SMCO4: variants seen among roughly 807,000 people sequenced by gnomAD.
SMCO4 encodes single-pass membrane protein with coiled-coil domains 4, also known as single-pass membrane and coiled-coil domain-containing protein 4.
In SMCO4, 4 loss-of-function variants were observed where a neutral mutation model predicts 3.6. The ratio of observed to expected loss-of-function variants is 1.11; its 90% CI spans 0.54 to 2.53. The LOEUF (loss-of-function observed/expected upper bound fraction) is 2.53, where lower values mean the gene tolerates loss of function less well. Among genes scored for constraint, SMCO4 ranks in the 30% most tolerant of loss-of-function variants. The pLI is 0.02. For synonymous variants in SMCO4, 36 were observed against 35.3 expected (o/e 1.02, Z -0.07); for missense variants, 70 against 80.8 (o/e 0.87, Z 0.51).
chr11:93,546,339 A>G (rs1407616547), upstream of SMCO4, among the ~76,000 whole-genome samples: 2 of 152,224 alleles, frequency 1.3e-5, no homozygotes, highest in Non-Finnish European at 2.9e-5. Context: ...TTGGCAGTCA[A>G]CATAACAATG....
chr11:93,508,489 G>T (rs914782102), intron 1 of SMCO4, among the ~76,000 whole-genome samples: 6 of 152,086 alleles, frequency 3.9e-5, no homozygotes, highest in Non-Finnish European at 5.9e-5. Flanking sequence ...AGCAGGAAGA[G>T]AAGAATATTA....
chr11:93,497,642 C>A (rs1948789955), intron 2 of SMCO4, among the ~76,000 whole-genome samples: 1 of 151,454 alleles, frequency 6.6e-6, no homozygotes, highest in Non-Finnish European at 1.5e-5. Context: ...AGGGGGGTAC[C>A]AAGATCAGAT....
At chr11:93,509,337 A>C (rs1267472106) in intron 1 of SMCO4, among the ~76,000 whole-genome samples, 2 of 151,924 alleles carry the variant, frequency 1.3e-5, no homozygotes, top group Non-Finnish European at 2.9e-5. Flanking sequence ...GCTTACAAAC[A>C]GCCATCATTT....
intron 1 of SMCO4, among the ~76,000 whole-genome samples, chr11:93,538,193 G>A (rs1391750134): frequency 1.3e-5 from 2 of 152,216 alleles, no homozygotes; most frequent in Admixed American, 6.5e-5. Flanking sequence ...CCCTGAGCAT[G>A]GCTTGGCGCC....
chr11:93,527,847 G>T (rs1219521351), intron 1 of SMCO4, among the ~76,000 whole-genome samples: 1 of 151,978 alleles, frequency 6.6e-6, no homozygotes, highest in Non-Finnish European at 1.5e-5. Flanking sequence ...GATGGGTTTT[G>T]CTATGTAGCC....
At chr11:93,495,856 A>G (rs1218929632) in intron 2 of SMCO4, among the ~76,000 whole-genome samples, 1 of 152,204 alleles carries the variant, frequency 6.6e-6, no homozygotes, top group Non-Finnish European at 1.5e-5. Context: ...CACAATATTC[A>G]TTCTAAGTAC....
chr11:93,512,024 A>G (rs118149826), intron 1 of SMCO4, among the ~76,000 whole-genome samples: 1,745 of 152,296 alleles, frequency 0.011, 15 homozygotes, highest in Non-Finnish European at 0.016. Context: ...AGTGTTTAGT[A>G]TTAGAAGTGT....
upstream of SMCO4, among the ~76,000 whole-genome samples, chr11:93,543,673 T>G (rs1242946846): frequency 2.6e-5 from 4 of 152,230 alleles, no homozygotes; most frequent in Non-Finnish European, 5.9e-5. Context: ...ATATATTTCC[T>G]GCTTCTTTGA....
At chr11:93,527,560 G>A (rs570977177) in intron 1 of SMCO4, among the ~76,000 whole-genome samples, 119 of 152,220 alleles carry the variant, frequency 7.8e-4, no homozygotes, top group South Asian at 6.0e-3. Flanking sequence ...GGGCTCAAGC[G>A]ACCTTCCCAA....
intron 1 of SMCO4, among the ~76,000 whole-genome samples, chr11:93,534,490 T>C (rs367861705): frequency 3.3e-5 from 5 of 152,028 alleles, no homozygotes; most frequent in African/African-American, 1.2e-4. Context: ...TTTATAAACA[T>C]TATTCTTTTA....
the SMCO4 span, among the ~76,000 whole-genome samples, chr11:93,553,276 G>A: frequency 6.0e-4 from 91 of 152,286 alleles, no homozygotes; most frequent in African/African-American, 2.1e-3. Flanking sequence ...TATATCTGCT[G>A]ATGAGTTTAT....
chr11:93,535,211 A>G (rs369680456), intron 1 of SMCO4, among the ~76,000 whole-genome samples: 12 of 152,334 alleles, frequency 7.9e-5, no homozygotes, highest in African/African-American at 2.9e-4. Flanking sequence ...TACCATAACT[A>G]GCATCCGGGA....
the SMCO4 span, among the ~76,000 whole-genome samples, chr11:93,549,667 CA>C: frequency 1.3e-5 from 2 of 151,620 alleles, no homozygotes; most frequent in South Asian, 4.2e-4. Flanking sequence ...CTATGTTGCC[CA>C]GGCTGTTCTT....
intron 1 of SMCO4, among the ~76,000 whole-genome samples, chr11:93,500,495 C>T (rs984861637): frequency 2.0e-5 from 3 of 152,114 alleles, no homozygotes; most frequent in Non-Finnish European, 4.4e-5. Flanking sequence ...GATTTAAGAA[C>T]CTAATGTCTT....
chr11:93,492,153 C>T (rs765571475), intron 2 of SMCO4, among the ~76,000 whole-genome samples: 4 of 152,176 alleles, frequency 2.6e-5, no homozygotes, highest in Non-Finnish European at 5.9e-5. Flanking sequence ...CAGAGACAGG[C>T]GAGTAAGCTC....
At chr11:93,518,060 A>G (rs563136984) in intron 1 of SMCO4, among the ~76,000 whole-genome samples, 3 of 152,208 alleles carry the variant, frequency 2.0e-5, no homozygotes, top group Non-Finnish European at 2.9e-5. Context: ...CATTTTCATC[A>G]ACCCAAAAGA....
intron 2 of SMCO4, among the ~76,000 whole-genome samples, chr11:93,490,747 T>C (rs1327831584): frequency 6.6e-6 from 1 of 152,236 alleles, no homozygotes; most frequent in African/African-American, 2.4e-5. Context: ...GTGCTAGATT[T>C]AGCTGCGGCT....
At chr11:93,536,029 G>T (rs924489461) in intron 1 of SMCO4, among the ~76,000 whole-genome samples, 21 of 151,878 alleles carry the variant, frequency 1.4e-4, no homozygotes, top group African/African-American at 4.6e-4. Flanking sequence ...GTGCTGCATG[G>T]TTATATACTC....
At position 93,531,963 on chromosome 11, in the gene SMCO4, C is replaced by G. The variant is rs530624660; in HGVS notation, c.-154+11313G>C. Among the ~76,000 whole-genome samples the G allele has an allele frequency of 8.5e-5, 13 of 152,308 alleles. No individual in the cohort carries two copies. In the East Asian group the frequency reaches 2.5e-3, roughly 29 times the overall value. Reference sequence around the variant, plus strand: ...AAGCCCCTGCCCCATTTCGAGTTGTCCCACCTTTCTGGACCAAATCAATGT... The same window carrying G: ...AAGCCCCTGCCCCATTTCGAGTTGTGCCACCTTTCTGGACCAAATCAATGT... On this transcript the variant is annotated intron_variant, in intron 1 of 2. Transcript: ENST00000298966.
Sources: gnomAD v4.1 joint callset for allele counts (sites outside exome capture counted in the v4.1 genomes callset) on GRCh38, gnomAD v4.1.1 for gene constraint, MANE v1.5 for transcripts, NCBI Gene and HGNC (gene_info 2026-07-23, HGNC 2026-07-21) for gene names.